The following EYA3 variants were observed in gnomAD, a reference collection of about 807,000 sequenced individuals.
EYA3 encodes the protein protein phosphatase EYA3.
Under a neutral mutation model 80.0 loss-of-function variants are expected in EYA3, and 39 were observed. The ratio of observed to expected loss-of-function variants is 0.49; its 90% CI spans 0.38 to 0.64. EYA3 has a LOEUF of 0.64. EYA3 is among the 30% of genes least tolerant of loss of function. The pLI is 0.00. For missense variants in EYA3, 523 were observed against 676.1 expected, an observed-to-expected ratio of 0.77 and a Z score of 2.51; for synonymous variants, 206 against 232.8, an observed-to-expected ratio of 0.88 and a Z score of 1.05.
intron 1 of EYA3, among the ~76,000 whole-genome samples, chr1:28,078,478 A>C (rs2148949128): frequency 6.6e-6 from 1 of 152,308 alleles, no homozygotes; most frequent in African/African-American, 2.4e-5. Context: ...AATAGCAAAC[A>C]TTTATGGAAT....
chr1:27,997,348 C>A lies in EYA3; in HGVS notation c.1114G>T (p.Ala372Ser). The change falls in exon 13 of 18, where the codon GCT becomes TCT. Residue 372 changes from alanine to serine, a missense_variant. Physicochemically the swap from Ala to Ser is moderately conservative, Grantham distance 99. Coordinates refer to ENST00000373871, the MANE Select transcript of EYA3 (RefSeq NM_001990.4). ...AAGTCTTGGCCATTGTCATCAGAAG[C>A]CACATCTTCCACATGTACCTGGTCA... ...ECDQVHVEDVASDDNGQDLSN... is the reference protein window; with the variant it reads ...ECDQVHVEDVSSDDNGQDLSN... 2 of 1,614,144 alleles carry A rather than the reference C, an allele frequency of 1.2e-6. No individual in the cohort carries two copies. The highest frequency in any genetic ancestry group is 1.7e-6 in the Non-Finnish European group (2 of 1,180,014).
intron 17 of EYA3, among the ~76,000 whole-genome samples, chr1:27,975,700 T>C (rs1638900307): frequency 6.6e-6 from 1 of 152,092 alleles, no homozygotes; most frequent in African/African-American, 2.4e-5. Flanking sequence ...TTAGCCAGGA[T>C]GGTCTTGATC....
chr1:28,066,393 C>CA (rs986854366), intron 1 of EYA3, among the ~76,000 whole-genome samples: 114 of 148,746 alleles, frequency 7.7e-4, no homozygotes, highest in African/African-American at 2.4e-3. Flanking sequence ...ATAAAAAATA[C>CA]AAAAAAAACC....
At chr1:28,048,942 G>A (rs1644137103) in intron 2 of EYA3, among the ~76,000 whole-genome samples, 1 of 151,874 alleles carries the variant, frequency 6.6e-6, no homozygotes, top group African/African-American at 2.4e-5. Flanking sequence ...ATTTCCTTCT[G>A]GGGAGAAGGC....
intron 2 of EYA3, among the ~76,000 whole-genome samples, chr1:28,050,090 A>G (rs1480998214): frequency 6.6e-6 from 1 of 151,932 alleles, no homozygotes; most frequent in African/African-American, 2.4e-5. Flanking sequence ...AGAGGTATAG[A>G]GCAACAAATT....
chr1:28,002,672 T>C (rs1173616200), intron 11 of EYA3, among the ~76,000 whole-genome samples: 1 of 151,806 alleles, frequency 6.6e-6, no homozygotes, highest in Non-Finnish European at 1.5e-5. Context: ...ATTAGCCGGG[T>C]ATGGTGGCAT....
Position 28,013,403 on chromosome 1 carries a change from T to C in EYA3, c.586-109A>G. ...TATTCATAATTATTTTTCTAAAACA[T>C]TAATTTGACTTCTCATTTACCTACC... On this transcript the variant is annotated intron_variant, in intron 8 of 17. Coordinates refer to ENST00000373871, the MANE Select transcript of EYA3 (RefSeq NM_001990.4). This position sits in a 1 kb window ranked among gnomAD's most constrained non-coding sequence, Gnocchi z 4.0. 1.0e-6 allele frequency: 1 copy of C among 974,050 alleles called. No individual in the cohort carries two copies. The highest frequency in any genetic ancestry group is 1.4e-6 in the Non-Finnish European group (1 of 689,712). The allele number at this position is 974,050 out of a possible 1,614,324, so 60.3% of individuals were successfully genotyped here.
chr1:28,037,583 C>T (rs1274934960), intron 5 of EYA3, among the ~76,000 whole-genome samples: 1 of 152,104 alleles, frequency 6.6e-6, no homozygotes, highest in Non-Finnish European at 1.5e-5. Flanking sequence ...GCCCAAAGCT[C>T]AAATGTGTTT....
rs1040755178 is a variant in EYA3, at chr1:28,058,193, T to C, written c.-68-99A>G. On this transcript the variant is annotated intron_variant, in intron 1 of 17. Transcript: ENST00000373871. Reference sequence around the variant, plus strand: ...TTTTTAGTATCTTGCTACCCCAAGCTTTCTACGTGAGTTCCAATCACAAAA... The same window carrying C: ...TTTTTAGTATCTTGCTACCCCAAGCCTTCTACGTGAGTTCCAATCACAAAA... 35 of 456,574 alleles carry C rather than the reference T, an allele frequency of 7.7e-5. No homozygotes were observed. In the Admixed American group the frequency reaches 1.3e-3, roughly 17 times the overall value. The allele number at this position is 456,574 out of a possible 1,614,324, so 28.3% of individuals were successfully genotyped here.
rs540420986 is a variant in EYA3, at chr1:28,063,467, A to G, written c.-68-5373T>C. 1.5e-3 allele frequency among the ~76,000 whole-genome samples: 217 copies of G among 145,090 alleles called. 1 individual carries two copies. Among genetic ancestry groups the G allele is most frequent in the African/African-American group, 5.2e-3 (200 of 38,562 alleles). On this transcript the variant is annotated intron_variant, in intron 1 of 17. Transcript: ENST00000373871. ...CACCTCCCCAGTTTAAGCAATTCTC[A>G]TGCCTCAGCCTCCCAGGTAGCTGGG...
chr1:28,082,148 AATAAG>A (rs1389210737), intron 1 of EYA3, among the ~76,000 whole-genome samples: 1 of 152,102 alleles, frequency 6.6e-6, no homozygotes, highest in Non-Finnish European at 1.5e-5. Context: ...TGTCTCAATT[AATAAG>A]AGTTAACATG....
At chr1:28,024,716 A>G (rs540878256) in intron 7 of EYA3, among the ~76,000 whole-genome samples, 18 of 152,186 alleles carry the variant, frequency 1.2e-4, no homozygotes, top group Non-Finnish European at 2.4e-4. Flanking sequence ...TGCCACTTGA[A>G]TATTATTTAA....
chr1:27,978,833 G>A (rs992819852), intron 16 of EYA3, among the ~76,000 whole-genome samples: 1 of 152,256 alleles, frequency 6.6e-6, no homozygotes, highest in Middle Eastern at 3.4e-3. Flanking sequence ...ATGGCGGCGC[G>A]TGCCTGTAAT....
intron 2 of EYA3, among the ~76,000 whole-genome samples, chr1:28,057,217 C>T (rs1322163240): frequency 6.6e-6 from 1 of 151,960 alleles, no homozygotes; most frequent in Non-Finnish European, 1.5e-5. Context: ...AACTAGAACA[C>T]GAAAAACATA....
chr1:28,042,549 A>C, intron 4 of EYA3, 22 bp downstream of exon 4: 1 of 1,590,794 alleles, frequency 6.3e-7, no homozygotes, highest in Non-Finnish European at 8.6e-7. Context: ...CTGTTCAATC[A>C]TGCACAGAAT....
intron 1 of EYA3, among the ~76,000 whole-genome samples, chr1:28,058,830 A>G (rs1644519361): frequency 6.6e-6 from 1 of 152,222 alleles, no homozygotes; most frequent in African/African-American, 2.4e-5. Context: ...TGGGATTCTA[A>G]GTCCACCTTA....
At position 28,038,886 on chromosome 1, in the gene EYA3, G is replaced by A. The variant is rs1327815553; in HGVS notation, c.177C>T (p.Tyr59=). The A allele has an allele frequency of 3.7e-6, 6 of 1,600,536 alleles. No homozygotes were observed. Among genetic ancestry groups the A allele is most frequent in the Middle Eastern group, 3.3e-4 (2 of 6,042 alleles). The change falls in exon 5 of 18, where the codon TAC becomes TAT. Residue 59 remains tyrosine (Y), a synonymous_variant. Transcript: ENST00000373871. ...TATAATCATTGGATGAGCGAGGGAT[G>A]TAATCGGTGCATGTCATAACTGAAA... The part of the protein sequence containing the change: ...MSEEIMTCTD[Y]IPRSSNDYTS...
In EYA3 at chr1:27,970,464, A is replaced by T. The variant is rs1638689807; in HGVS notation, c.*4002T>A. 1 of 152,236 alleles carries T rather than the reference A, an allele frequency of 6.6e-6. No homozygotes were observed. 9.4% of individuals were successfully genotyped at this position (152,236 alleles called of 1,614,324 possible). A position where few individuals can be genotyped will look rare whatever the true frequency, so the allele number is the denominator to read the frequency against. On this transcript the variant is annotated 3_prime_UTR_variant, in exon 18 of 18. Transcript: ENST00000373871. ...CAGTCACATAAATATATCCAATCCA[A>T]TCAATGCCTTTTCCTGCTAACAGAG... is the stretch of plus-strand genomic sequence containing the variant.
chr1:28,031,853 T>C (rs540002472), intron 6 of EYA3: 1 of 152,292 alleles, frequency 6.6e-6, no homozygotes, highest in African/African-American at 2.4e-5. Flanking sequence ...TGCTTCCAAT[T>C]ATTCTTTACG....
Sources: allele counts gnomAD v4.1 joint callset (sites outside exome capture counted in the v4.1 genomes callset), GRCh38; gene constraint gnomAD v4.1.1; non-coding constraint Gnocchi (gnomAD v3.1); transcripts MANE v1.5; gene names NCBI Gene and HGNC (gene_info 2026-07-23, HGNC 2026-07-21).